SUSD3: variants seen among roughly 807,000 people sequenced by gnomAD.
The protein encoded by SUSD3 is sushi domain containing 3.
SUSD3 carries 18 observed loss-of-function variants against 20.6 expected under a neutral mutation model. The ratio of observed to expected loss-of-function variants is 0.87; its 90% CI spans 0.60 to 1.30. SUSD3 has a LOEUF of 1.30. SUSD3 is among the 50% of genes most tolerant of loss of function. The probability of loss-of-function intolerance (pLI) is 0.00; values close to 1 mark genes in which losing one functional copy is unlikely to be tolerated. For synonymous variants in SUSD3, 137 were observed against 141.5 expected (o/e 0.97, Z 0.23); for missense variants, 306 against 346.9 (o/e 0.88, Z 0.94).
At chr9:93,069,511 G>A (rs1466083701) in intron 1 of SUSD3, among the ~76,000 whole-genome samples, 1 of 152,122 alleles carries the variant, frequency 6.6e-6, no homozygotes, top group African/African-American at 2.4e-5. Flanking sequence ...ACAACGTTTT[G>A]TAGTTTTCAG....
intron 1 of SUSD3, 36 bp from the exon 2 acceptor site, chr9:93,075,748 C>CCCCCCCCCCCCCCCCCACA: frequency 4.9e-6 from 1 of 202,416 alleles, no homozygotes; most frequent in Admixed American, 6.1e-5. Flanking sequence ...CCACCCCCCC[C>CCCCCCCCCCCCCCCCCACA]CCCCCGCCAT....
At chr9:93,075,109 A>G (rs1465386355) in intron 1 of SUSD3, among the ~76,000 whole-genome samples, 2 of 152,104 alleles carry the variant, frequency 1.3e-5, no homozygotes, top group Admixed American at 6.6e-5. Context: ...CCTTGAATCA[A>G]CATTTCCTCA....
At chr9:93,081,438 T>C (rs1220333829) in intron 4 of SUSD3, among the ~76,000 whole-genome samples, 1 of 152,186 alleles carries the variant, frequency 6.6e-6, no homozygotes, top group African/African-American at 2.4e-5. Flanking sequence ...TCCTCACCTG[T>C]AAAGTGAGGA....
At chr9:93,072,389 C>T (rs528530221) in intron 1 of SUSD3, among the ~76,000 whole-genome samples, 18 of 152,308 alleles carry the variant, frequency 1.2e-4, no homozygotes, top group African/African-American at 4.3e-4. Flanking sequence ...GGGAGTGGGT[C>T]AATGTGACCT....
intron 1 of SUSD3, among the ~76,000 whole-genome samples, chr9:93,072,601 T>A (rs746647392): frequency 6.6e-6 from 1 of 152,096 alleles, no homozygotes; most frequent in Non-Finnish European, 1.5e-5. Context: ...TCCCCCCAGA[T>A]GGGCTTGTGA....
Position 93,068,190 on chromosome 9 carries a change from CACAA to C in SUSD3, c.89-7590_89-7587del, listed in dbSNP as rs566971162. On this transcript the variant is annotated intron_variant, in intron 1 of 4. Transcript: ENST00000375472. ...TCACTTTATTGAATGTCCTTTAAAG[CACAA>C]ACATTTTTCATTTTGATGAAGTCCT... Among the ~76,000 whole-genome samples the C allele has an allele frequency of 3.9e-5, 6 of 152,272 alleles. No individual in the cohort carries two copies. The East Asian group carries it at 9.6e-4, about 24-fold the overall frequency.
At chr9:93,081,302 A>T (rs11793115) in intron 4 of SUSD3, among the ~76,000 whole-genome samples, 5,501 of 152,274 alleles carry the variant, frequency 0.036, 146 homozygotes, top group Non-Finnish European at 0.051. Flanking sequence ...GCGGGCATCC[A>T]GACGACATCA....
Position 93,058,747 on chromosome 9 carries a change from G to A in SUSD3, c.5G>A (p.Arg2His). ...AAGCGCCTCGGAGCGCGCAGGATGC[G>A]CTGGGCGGCCGCCACCCTCCGTGGC... Reference protein sequence around the residue: MRWAAATLRGKA... With the variant: MHWAAATLRGKA... The change falls in exon 1 of 5, where the codon CGC becomes CAC. Residue 2 changes from arginine (R) to histidine (H), a missense_variant. Arg to His is a conservative substitution (Grantham distance 29). Coordinates refer to ENST00000375472, the MANE Select transcript of SUSD3 (RefSeq NM_145006.4). 1 of 1,235,380 alleles carries A rather than the reference G, an allele frequency of 8.1e-7. No homozygotes were observed. Among genetic ancestry groups the A allele is most frequent in the Admixed American group, 4.2e-5 (1 of 23,630 alleles). 76.5% of individuals were successfully genotyped at this position (1,235,380 alleles called of 1,614,324 possible).
chr9:93,075,200 TG>T (rs2118969179), intron 1 of SUSD3, among the ~76,000 whole-genome samples: 1 of 152,272 alleles, frequency 6.6e-6, no homozygotes, highest in Non-Finnish European at 1.5e-5. Flanking sequence ...TAGAACTTGT[TG>T]GTTTTTTTTA....
intron 1 of SUSD3, among the ~76,000 whole-genome samples, chr9:93,061,437 G>A (rs1564183289): frequency 6.6e-6 from 1 of 152,256 alleles, no homozygotes; most frequent in Admixed American, 6.5e-5. Flanking sequence ...CCGGACCCTC[G>A]GTTTTCCACC....
At chr9:93,068,618 G>A (rs938079703) in intron 1 of SUSD3, among the ~76,000 whole-genome samples, 1 of 152,122 alleles carries the variant, frequency 6.6e-6, no homozygotes, top group African/African-American at 2.4e-5. Context: ...CTCCAACTTT[G>A]TTCTTTTTCA....
chr9:93,077,082 C>T (rs978881476), intron 2 of SUSD3, among the ~76,000 whole-genome samples: 2 of 152,206 alleles, frequency 1.3e-5, no homozygotes, highest in African/African-American at 2.4e-5. Context: ...GGGGACAGGG[C>T]CATGTTCTCT....
chr9:93,071,877 G>A (rs1825924817), intron 1 of SUSD3, among the ~76,000 whole-genome samples: 1 of 152,276 alleles, frequency 6.6e-6, no homozygotes, highest in Admixed American at 6.5e-5. Flanking sequence ...AGTTGCAGCT[G>A]CCCAGGATGA....
At chr9:93,078,932 T>C (rs1826289071) in intron 3 of SUSD3, among the ~76,000 whole-genome samples, 2 of 152,036 alleles carry the variant, frequency 1.3e-5, no homozygotes, top group Admixed American at 1.3e-4. Context: ...CCCGAGTAGC[T>C]GGGACTACAA....
At chr9:93,074,480 C>G (rs1826045545) in intron 1 of SUSD3, among the ~76,000 whole-genome samples, 1 of 146,634 alleles carries the variant, frequency 6.8e-6, no homozygotes. Flanking sequence ...TAAGTGCTCT[C>G]TGGTATTTTA....
intron 4 of SUSD3, among the ~76,000 whole-genome samples, chr9:93,083,846 C>T (rs982760350): frequency 5.3e-5 from 8 of 151,986 alleles, no homozygotes; most frequent in Non-Finnish European, 1.2e-4. Context: ...GAGGTGATGC[C>T]GGAAGTGAAA....
chr9:93,082,210 T>G (rs558830810), intron 4 of SUSD3, among the ~76,000 whole-genome samples: 4 of 152,240 alleles, frequency 2.6e-5, no homozygotes, highest in Non-Finnish European at 5.9e-5. Flanking sequence ...ATGAGTCATT[T>G]TCTGTTTTCT....
rs556954137 is a variant in SUSD3 at position 93,083,422 on chromosome 9, C to T, written c.558-1115C>T. Reference sequence around the variant, plus strand: ...GGGCTGCCCACCCCTCAGGCAGGGCCCAGGCTGCCTCCATAGGTGGTAAAT... The same window carrying T: ...GGGCTGCCCACCCCTCAGGCAGGGCTCAGGCTGCCTCCATAGGTGGTAAAT... On this transcript the variant is annotated intron_variant, in intron 4 of 4. Transcript: ENST00000375472. 9.2e-5 allele frequency among the ~76,000 whole-genome samples: 14 copies of T among 152,332 alleles called. 1 individual carries two copies. Among genetic ancestry groups the T allele is most frequent in the Admixed American group, 6.5e-4 (10 of 15,304 alleles).
chr9:93,069,784 T>C lies in SUSD3; in HGVS notation c.89-6000T>C, dbSNP rs967417240. ...AGATTGTTTTACTTCTTCCTTTTTT[T>C]TTTCTTTTTTTTTGAGATGGAGTCT... On this transcript the variant is annotated intron_variant, in intron 1 of 4. Coordinates refer to ENST00000375472, the MANE Select transcript of SUSD3 (RefSeq NM_145006.4). Among the ~76,000 whole-genome samples the C allele has an allele frequency of 3.4e-4, 52 of 152,134 alleles. 1 individual carries two copies. The highest frequency in any genetic ancestry group is 1.3e-3 in the African/African-American group (52 of 41,500).
Sources: gnomAD v4.1 joint callset for allele counts (sites outside exome capture counted in the v4.1 genomes callset) on GRCh38, gnomAD v4.1.1 for gene constraint, MANE v1.5 for transcripts, NCBI Gene and HGNC (gene_info 2026-07-23, HGNC 2026-07-21) for gene names.